Variants in MRRF observed in about 807,000 individuals in gnomAD.
The protein encoded by MRRF is mitochondrial ribosome recycling factor, also known as ribosome-recycling factor, mitochondrial.
A neutral mutation model predicts 25.1 loss-of-function variants in MRRF; 18 were observed. The observed-to-expected ratio is 0.72, with a 90% CI of 0.50 to 1.06. MRRF has a LOEUF of 1.06. MRRF is among the 50% of genes least tolerant of loss of function. The probability of loss-of-function intolerance (pLI) is 0.00; values close to 1 mark genes in which losing one functional copy is unlikely to be tolerated. For synonymous variants in MRRF, 113 were observed against 112.1 expected (o/e 1.01, Z -0.05); for missense variants, 323 against 319.3 (o/e 1.01, Z -0.09).
intron 2 of MRRF, among the ~76,000 whole-genome samples, chr9:122,274,423 A>G (rs1832649579): frequency 6.6e-6 from 1 of 152,106 alleles, no homozygotes; most frequent in African/African-American, 2.4e-5. Context: ...TTGGGAGGCC[A>G]AGGTGGGTGG....
At chr9:122,295,669 C>G (rs1834042490) in intron 5 of MRRF, among the ~76,000 whole-genome samples, 1 of 152,138 alleles carries the variant, frequency 6.6e-6, no homozygotes, top group African/African-American at 2.4e-5. Flanking sequence ...TGGTCTCGAA[C>G]TCTTGACCTC....
At chr9:122,310,800 G>A (rs1835157858) in intron 5 of MRRF, among the ~76,000 whole-genome samples, 1 of 152,138 alleles carries the variant, frequency 6.6e-6, no homozygotes, top group African/African-American at 2.4e-5. Context: ...TCAGAAGCCT[G>A]GAATACAAAC....
chr9:122,317,425 A>C (rs1038978325), intron 6 of MRRF, among the ~76,000 whole-genome samples: 1 of 152,148 alleles, frequency 6.6e-6, no homozygotes, highest in African/African-American at 2.4e-5. Flanking sequence ...AATTTGCCCA[A>C]AATAAATAAT....
At chr9:122,272,925 C>T (rs538250663) in intron 2 of MRRF, among the ~76,000 whole-genome samples, 1 of 152,132 alleles carries the variant, frequency 6.6e-6, no homozygotes, top group East Asian at 1.9e-4. Flanking sequence ...TGTAATGCCC[C>T]GCCCCATTGT....
chr9:122,292,625 C>T (rs1833846865), intron 5 of MRRF, among the ~76,000 whole-genome samples: 1 of 152,044 alleles, frequency 6.6e-6, no homozygotes. Context: ...ATGGTTTAGG[C>T]ATTATAAGTC....
intron 1 of MRRF, among the ~76,000 whole-genome samples, chr9:122,268,989 C>A (rs1240937803): frequency 6.6e-6 from 1 of 151,908 alleles, no homozygotes; most frequent in East Asian, 1.9e-4. Context: ...CAAGGTGAAA[C>A]CCCGTCTCTA....
At chr9:122,310,214 T>A (rs548685897) in intron 5 of MRRF, among the ~76,000 whole-genome samples, 1 of 152,336 alleles carries the variant, frequency 6.6e-6, no homozygotes, top group South Asian at 2.1e-4. Flanking sequence ...AGCTTGTAAG[T>A]GGCAGGCCCA....
intron 5 of MRRF, among the ~76,000 whole-genome samples, chr9:122,295,931 CATTACATTCCTCTG>C (rs1208173559): frequency 3.9e-5 from 6 of 152,302 alleles, no homozygotes; most frequent in Non-Finnish European, 5.9e-5. Context: ...ACCTCACCCT[CATTACATTCCTCTG>C]ATTCTTATAT....
chr9:122,281,735 A>C (rs944531429), intron 3 of MRRF, among the ~76,000 whole-genome samples: 4 of 152,190 alleles, frequency 2.6e-5, no homozygotes, highest in African/African-American at 7.2e-5. Flanking sequence ...GAGAAATGTG[A>C]TACTTAAAAT....
At chr9:122,280,242 GC>G (rs906131595) in intron 2 of MRRF, among the ~76,000 whole-genome samples, 200 bp from the exon 3 acceptor site, 1 of 152,154 alleles carries the variant, frequency 6.6e-6, no homozygotes, top group Non-Finnish European at 1.5e-5. Context: ...TATAAAGTGT[GC>G]CCCCTCACTA....
At chr9:122,293,953 T>G (rs1833931055) in intron 5 of MRRF, among the ~76,000 whole-genome samples, 1 of 152,214 alleles carries the variant, frequency 6.6e-6, no homozygotes, top group Non-Finnish European at 1.5e-5. Flanking sequence ...AGTTTTTCTG[T>G]TACCTTTCTC....
At chr9:122,303,106 AC>A (rs957602055) in intron 5 of MRRF, among the ~76,000 whole-genome samples, 5 of 152,172 alleles carry the variant, frequency 3.3e-5, no homozygotes, top group African/African-American at 1.2e-4. Flanking sequence ...CTTATCAGAT[AC>A]ATGGCTTTCA....
intron 3 of MRRF, among the ~76,000 whole-genome samples, chr9:122,281,902 T>C (rs763642997): frequency 6.6e-6 from 1 of 152,174 alleles, no homozygotes; most frequent in Admixed American, 6.5e-5. Context: ...GAAAAGGATT[T>C]GATGCATTAT....
At chr9:122,279,292 G>A (rs1159497188) in intron 2 of MRRF, among the ~76,000 whole-genome samples, 5 of 152,150 alleles carry the variant, frequency 3.3e-5, no homozygotes, top group African/African-American at 7.2e-5. Context: ...TACTTTGGAC[G>A]AAACATTTAA....
intron 2 of MRRF, among the ~76,000 whole-genome samples, chr9:122,274,823 CAG>C (rs1409589506): frequency 6.6e-6 from 1 of 151,918 alleles, no homozygotes; most frequent in African/African-American, 2.4e-5. Flanking sequence ...TTGTTCTTGA[CAG>C]AAGTTATAAA....
At chr9:122,290,248 C>T (rs1833681362) in intron 4 of MRRF, among the ~76,000 whole-genome samples, 1 of 152,106 alleles carries the variant, frequency 6.6e-6, no homozygotes, top group African/African-American at 2.4e-5. Context: ...AACCATCTCT[C>T]TTGGGCTGTC....
intron 5 of MRRF, among the ~76,000 whole-genome samples, chr9:122,310,512 C>T (rs1835136961): frequency 6.6e-6 from 1 of 152,248 alleles, no homozygotes; most frequent in African/African-American, 2.4e-5. Context: ...ACTGTGCATC[C>T]ATAAGGCGGT....
At chr9:122,285,577 G>T (rs1833344010) in intron 4 of MRRF, 2 of 440,354 alleles carry the variant, frequency 4.5e-6, no homozygotes, top group African/African-American at 4.1e-5. Flanking sequence ...AAAAGGCTCT[G>T]GTGAGCTGGA....
At chr9:122,298,031 T>C (rs1834205352) in intron 5 of MRRF, among the ~76,000 whole-genome samples, 1 of 152,186 alleles carries the variant, frequency 6.6e-6, no homozygotes, top group South Asian at 2.1e-4. Flanking sequence ...CCCTATTTTT[T>C]ATACATGAGC....
Sources: gnomAD v4.1 joint callset for allele counts (sites outside exome capture counted in the v4.1 genomes callset) on GRCh38, gnomAD v4.1.1 for gene constraint, MANE v1.5 for transcripts, NCBI Gene and HGNC (gene_info 2026-07-23, HGNC 2026-07-21) for gene names.